TENM3: variants seen among roughly 807,000 people sequenced by gnomAD.
TENM3 encodes the protein teneurin transmembrane protein 3.
TENM3 carries 63 observed loss-of-function variants against 255.1 expected under a neutral mutation model. That is an observed-to-expected ratio of 0.25 (90% CI 0.20 to 0.30). The LOEUF is 0.30. Ranked by LOEUF, TENM3 falls within the 10% of genes least tolerant of loss-of-function variation. The pLI, the probability that TENM3 is intolerant of heterozygous loss-of-function variation, is 1.00. For missense variants in TENM3, 2,929 were observed against 3,461.1 expected, an observed-to-expected ratio of 0.85 and a Z score of 3.86; for synonymous variants, 1,306 against 1,322.3, an observed-to-expected ratio of 0.99 and a Z score of 0.27.
At chr4:182,755,816 T>C (rs1762705198) in intron 22 of TENM3, among the ~76,000 whole-genome samples, 1 of 151,714 alleles carries the variant, frequency 6.6e-6, no homozygotes, top group South Asian at 2.1e-4. Context: ...CTCCAGTCTC[T>C]GGGCGACAGA....
At chr4:182,306,672 C>A (rs1762151215) in intron 1 of TENM3, among the ~76,000 whole-genome samples, 1 of 152,090 alleles carries the variant, frequency 6.6e-6, no homozygotes, top group East Asian at 1.9e-4. Flanking sequence ...AGGACTCTTG[C>A]CAATAACATA....
At chr4:181,856,736 C>T in the TENM3 span, among the ~76,000 whole-genome samples, 3 of 152,182 alleles carry the variant, frequency 2.0e-5, no homozygotes, top group Admixed American at 6.5e-5. Flanking sequence ...GACTGACAGG[C>T]ATACTGGCTC....
chr4:181,546,196 A>G, the TENM3 span, among the ~76,000 whole-genome samples: 1 of 152,158 alleles, frequency 6.6e-6, no homozygotes, highest in Non-Finnish European at 1.5e-5. Context: ...AGCCCCTTTC[A>G]GGCCAGCTCC....
At chr4:182,285,056 G>T (rs1188322857) in intron 1 of TENM3, among the ~76,000 whole-genome samples, 1 of 152,082 alleles carries the variant, frequency 6.6e-6, no homozygotes, top group Non-Finnish European at 1.5e-5. Context: ...GAGAGGATTT[G>T]CTGTTTCAGC....
the TENM3 span, among the ~76,000 whole-genome samples, chr4:181,784,303 T>G: frequency 6.6e-6 from 1 of 152,102 alleles, no homozygotes. Context: ...AGTTTTTCAG[T>G]ATCTATGAAA....
intron 19 of TENM3, chr4:182,744,212 A>G (rs1250600463): frequency 5.7e-5 from 52 of 911,784 alleles, no homozygotes; most frequent in Non-Finnish European, 6.3e-5. Context: ...TATCCTTTTT[A>G]CATTTCAATG....
At chr4:182,469,549 A>G (rs1030995862) in intron 3 of TENM3, among the ~76,000 whole-genome samples, 2 of 152,012 alleles carry the variant, frequency 1.3e-5, no homozygotes, top group African/African-American at 4.8e-5. Flanking sequence ...ACCCTGTCTC[A>G]ACTAAAAATG....
the TENM3 span, among the ~76,000 whole-genome samples, chr4:181,615,309 C>G: frequency 6.6e-6 from 1 of 151,982 alleles, no homozygotes; most frequent in South Asian, 2.1e-4. Flanking sequence ...CGCATTAACC[C>G]CAGATAAAAT....
intron 22 of TENM3, among the ~76,000 whole-genome samples, chr4:182,765,289 G>A (rs2096821958): frequency 6.6e-6 from 1 of 152,150 alleles, no homozygotes; most frequent in African/African-American, 2.4e-5. Context: ...GTGCAAATAT[G>A]TGAGTTTACA....
chr4:182,257,092 G>C (rs1420996283), intron 1 of TENM3, among the ~76,000 whole-genome samples: 1 of 152,192 alleles, frequency 6.6e-6, no homozygotes, highest in Non-Finnish European at 1.5e-5. Context: ...TCCAACTTGA[G>C]CTTGCAGCAG....
chr4:181,698,893 A>G, the TENM3 span, among the ~76,000 whole-genome samples: 4 of 152,252 alleles, frequency 2.6e-5, no homozygotes, highest in African/African-American at 9.6e-5. Flanking sequence ...CTCTGATATA[A>G]GTCATAGATA....
the TENM3 span, among the ~76,000 whole-genome samples, chr4:181,574,448 G>A: frequency 9.2e-5 from 14 of 151,614 alleles, no homozygotes; most frequent in Non-Finnish European, 1.6e-4. Flanking sequence ...GGAGAATGGC[G>A]TGAACCCGGG....
chr4:182,390,749 A>G (rs1580388384), intron 3 of TENM3, among the ~76,000 whole-genome samples: 1 of 152,304 alleles, frequency 6.6e-6, no homozygotes, highest in East Asian at 1.9e-4. Flanking sequence ...AGATCATCTC[A>G]AAAGTGACTT....
chr4:182,023,119 A>G, the TENM3 span, among the ~76,000 whole-genome samples: 1 of 152,178 alleles, frequency 6.6e-6, no homozygotes, highest in Non-Finnish European at 1.5e-5. Context: ...GCTTATGTAG[A>G]GCTTTGAAAT....
At chr4:181,503,511 G>T in the TENM3 span, among the ~76,000 whole-genome samples, 93 of 152,312 alleles carry the variant, frequency 6.1e-4, no homozygotes, top group African/African-American at 2.0e-3. Context: ...GATCTGCAAA[G>T]ATTAAAGGGG....
chr4:181,865,738 T>C, the TENM3 span, among the ~76,000 whole-genome samples: 1 of 152,224 alleles, frequency 6.6e-6, no homozygotes, highest in Admixed American at 6.5e-5. Flanking sequence ...TCAGATATGA[T>C]ACAGGTCCAT....
At chr4:182,171,780 A>G (rs1258082836) in intron 1 of TENM3, among the ~76,000 whole-genome samples, 5 of 152,222 alleles carry the variant, frequency 3.3e-5, no homozygotes, top group Non-Finnish European at 1.5e-5. Flanking sequence ...AAGTCTTACT[A>G]AAAGTGGCTA....
At chr4:182,148,619 T>C (rs1199094719) in intron 1 of TENM3, among the ~76,000 whole-genome samples, 1 of 152,082 alleles carries the variant, frequency 6.6e-6, no homozygotes, top group Non-Finnish European at 1.5e-5. Context: ...TTTTCAGAGA[T>C]TTCTTAGAAT....
the TENM3 span, among the ~76,000 whole-genome samples, chr4:181,647,618 T>G: frequency 2.6e-5 from 4 of 152,202 alleles, no homozygotes; most frequent in South Asian, 8.3e-4. Context: ...TCCAGAAATG[T>G]GTCATGAAAT....
Sources: allele counts gnomAD v4.1 joint callset (sites outside exome capture counted in the v4.1 genomes callset), GRCh38; gene constraint gnomAD v4.1.1; transcripts MANE v1.5; gene names NCBI Gene and HGNC (gene_info 2026-07-23, HGNC 2026-07-21).